Variants in WAPL observed in about 807,000 individuals in gnomAD.
The protein encoded by WAPL is WAPL cohesin release factor.
Under a neutral mutation model 121.0 loss-of-function variants are expected in WAPL, and 5 were observed. That is an observed-to-expected ratio of 0.04 (90% CI 0.02 to 0.09). The LOEUF (loss-of-function observed/expected upper bound fraction) is 0.09. Among genes scored for constraint, WAPL ranks in the 10% least tolerant of loss-of-function variants. The pLI is 1.00. For missense variants in WAPL, 999 were observed against 1,410.8 expected (o/e 0.71, Z 4.68); for synonymous variants, 480 against 481.5 (o/e 1.00, Z 0.04).
At chr10:86,469,705 A>G (rs1033801548) in intron 8 of WAPL, among the ~76,000 whole-genome samples, 8 of 152,212 alleles carry the variant, frequency 5.3e-5, no homozygotes, top group Non-Finnish European at 1.0e-4. Flanking sequence ...AACCATCTAA[A>G]GATTTAAACT....
chr10:86,468,320 C>T (rs1299839343), intron 8 of WAPL, among the ~76,000 whole-genome samples: 1 of 152,116 alleles, frequency 6.6e-6, no homozygotes, highest in African/African-American at 2.4e-5. Flanking sequence ...ACCTCAGCCT[C>T]CCAAGTAGCT....
chr10:86,484,158 C>A (rs760005839), intron 4 of WAPL, among the ~76,000 whole-genome samples: 1 of 152,098 alleles, frequency 6.6e-6, no homozygotes. Flanking sequence ...TTAACAATAG[C>A]CAAAAAGTTT....
In WAPL at chr10:86,500,730, A is replaced by G. The variant is rs1402653472; in HGVS notation, c.513T>C (p.Asn171=). The stretch of plus-strand genomic sequence containing the variant: ...TATTCTTTTCATGTTCTTCATGAAA[A>G]TTCTCCACTTTATCTGTAAAAATAA... ...NKLITSDKVE[N]FHEEHEKNSH... is the part of the protein sequence containing the mutation. Residue 171 remains asparagine (N), a synonymous_variant, in exon 3 of 19, where the codon AAT becomes AAC. Transcript: ENST00000298767. The G allele has an allele frequency of 6.4e-7, 1 of 1,561,812 alleles. No homozygotes were observed. Among genetic ancestry groups the G allele is most frequent in the African/African-American group, 1.4e-5 (1 of 72,404 alleles).
At chr10:86,479,403 G>A (rs906674953) in intron 4 of WAPL, among the ~76,000 whole-genome samples, 7 of 152,016 alleles carry the variant, frequency 4.6e-5, no homozygotes, top group Non-Finnish European at 8.8e-5. Flanking sequence ...GATTACAAGC[G>A]CCAGCACGCC....
chr10:86,507,767 C>T (rs1230858081), intron 2 of WAPL, among the ~76,000 whole-genome samples: 1 of 151,920 alleles, frequency 6.6e-6, no homozygotes, highest in Non-Finnish European at 1.5e-5. Context: ...CTTGCTTGTG[C>T]CAGTACTCCC....
chr10:86,479,489 G>A (rs567607879), intron 4 of WAPL, among the ~76,000 whole-genome samples: 12 of 152,304 alleles, frequency 7.9e-5, no homozygotes, highest in Non-Finnish European at 1.6e-4. Flanking sequence ...CCTGACCTCA[G>A]GTGATCCACC....
At chr10:86,488,800 A>G (rs1564579784) in intron 4 of WAPL, among the ~76,000 whole-genome samples, 2 of 152,334 alleles carry the variant, frequency 1.3e-5, no homozygotes, top group South Asian at 2.1e-4. Context: ...TAACACTACA[A>G]GGCCAAATAC....
At chr10:86,510,774 A>T (rs541502816) in intron 2 of WAPL, among the ~76,000 whole-genome samples, 5 of 152,368 alleles carry the variant, frequency 3.3e-5, no homozygotes, top group Admixed American at 2.6e-4. Flanking sequence ...AGTAGAAAAT[A>T]TCTATAAAAA....
At position 86,437,276 on chromosome 10, in the gene WAPL, A is replaced by G. The variant is rs1849346750; in HGVS notation, c.*267T>C. 5.5e-6 allele frequency: 2 copies of G among 366,126 alleles called. No homozygotes were observed. Among genetic ancestry groups the G allele is most frequent in the East Asian group, 1.1e-4 (2 of 18,820 alleles). 22.7% of individuals were successfully genotyped at this position (366,126 alleles called of 1,614,324 possible). On this transcript the variant is annotated 3_prime_UTR_variant, in exon 19 of 19. Transcript: ENST00000298767. ...ACAAGGGGAGGGTATAAACTCTGCC[A>G]AAGTAAATGTATTTAAATACTGCAT... is the stretch of plus-strand genomic sequence containing the variant.
intron 1 of WAPL, among the ~76,000 whole-genome samples, chr10:86,520,310 A>G (rs1445170318): frequency 1.3e-5 from 2 of 152,156 alleles, no homozygotes; most frequent in African/African-American, 4.8e-5. Flanking sequence ...TAATAATAAT[A>G]ATGATAATAA....
chr10:86,478,960 G>T (rs534107983), intron 4 of WAPL, among the ~76,000 whole-genome samples: 52 of 152,084 alleles, frequency 3.4e-4, no homozygotes, highest in Non-Finnish European at 6.9e-4. Flanking sequence ...AGCCGGGTGT[G>T]GTGGCACACA....
intron 8 of WAPL, among the ~76,000 whole-genome samples, chr10:86,467,929 C>T (rs556119599): frequency 3.9e-5 from 6 of 152,040 alleles, no homozygotes; most frequent in Non-Finnish European, 7.4e-5. Flanking sequence ...CCGCCCACCT[C>T]GGCCTCCCAA....
At chr10:86,499,460 G>GT (rs1842205639) in intron 3 of WAPL, among the ~76,000 whole-genome samples, 1 of 152,144 alleles carries the variant, frequency 6.6e-6, no homozygotes, top group Non-Finnish European at 1.5e-5. Flanking sequence ...TATATACTAT[G>GT]TTTTTTCGTA....
At chr10:86,473,323 T>A (rs148171363) in intron 5 of WAPL, among the ~76,000 whole-genome samples, 188 of 152,328 alleles carry the variant, frequency 1.2e-3, no homozygotes, top group African/African-American at 4.3e-3. Flanking sequence ...CTTATTGTTA[T>A]AAAGAACTAA....
intron 8 of WAPL, among the ~76,000 whole-genome samples, chr10:86,470,297 G>C (rs1439682555): frequency 6.6e-6 from 1 of 152,120 alleles, no homozygotes; most frequent in Non-Finnish European, 1.5e-5. Context: ...GCCTCCCAAA[G>C]TGCTGGGATT....
chr10:86,500,186 C>T lies in WAPL; in HGVS notation c.1057G>A (p.Gly353Arg). Residue 353 changes from glycine (G) to arginine (R), a missense_variant, in exon 3 of 19, where the codon GGA (glycine) becomes AGA (arginine). This residue lies in a region of WAPL where 531 missense variants were observed against 563.1 expected (regional missense o/e 0.94). Transcript: ENST00000298767. Reference protein sequence around the residue: ...SCGTSFRGTVGRTRDYTVLHP... With the variant: ...SCGTSFRGTVRRTRDYTVLHP... ...AAAACAGTGTAATCTCTAGTCCGTC[C>T]AACTGTCCCTCTAAAACTGGTCCCA... 1 of 1,614,170 alleles carries T rather than the reference C, an allele frequency of 6.2e-7. No individual in the cohort carries two copies. Among genetic ancestry groups the T allele is most frequent in the Non-Finnish European group, 8.5e-7 (1 of 1,180,028 alleles).
intron 15 of WAPL, among the ~76,000 whole-genome samples, chr10:86,451,392 C>CG (rs1156407417): frequency 1.4e-5 from 2 of 145,556 alleles, no homozygotes; most frequent in Admixed American, 1.4e-4. Flanking sequence ...ATTATACCAC[C>CG]TTTTTTTTTT....
At chr10:86,440,703 A>G (rs1257632198) in intron 17 of WAPL, among the ~76,000 whole-genome samples, 1 of 152,076 alleles carries the variant, frequency 6.6e-6, no homozygotes, top group Non-Finnish European at 1.5e-5. Flanking sequence ...AAAGGGATAT[A>G]AAGATCTTGC....
chr10:86,497,403 T>A (rs1842169606), intron 3 of WAPL, 84 bp from the exon 4 acceptor site: 1 of 954,354 alleles, frequency 1.0e-6, no homozygotes, highest in Non-Finnish European at 1.6e-6. Context: ...TATACATGAA[T>A]GAATGAAAAT....
Sources: gnomAD v4.1 joint callset for allele counts (sites outside exome capture counted in the v4.1 genomes callset) on GRCh38, gnomAD v4.1.1 for gene constraint, gnomAD v4.1.1 regional missense constraint, MANE v1.5 for transcripts, NCBI Gene and HGNC (gene_info 2026-07-23, HGNC 2026-07-21) for gene names.